Variants in SRPK1 observed in about 807,000 individuals in gnomAD.
The protein encoded by SRPK1 is SFRS protein kinase 1.
A neutral mutation model predicts 89.5 loss-of-function variants in SRPK1; 52 were observed. The ratio of observed to expected loss-of-function variants is 0.58; its 90% CI spans 0.46 to 0.73. The LOEUF is 0.73. SRPK1 is among the 30% of genes least tolerant of loss of function. The pLI, the probability that SRPK1 is intolerant of heterozygous loss-of-function variation, is 0.00. For missense variants in SRPK1, 603 were observed against 780.6 expected, an observed-to-expected ratio of 0.77 and a Z score of 2.71; for synonymous variants, 255 against 270.2, an observed-to-expected ratio of 0.94 and a Z score of 0.55.
At chr6:35,920,896 CA>C in intron 1 of SRPK1, 147 bp downstream of exon 1, 1 of 815,324 alleles carries the variant, frequency 1.2e-6, no homozygotes, top group Non-Finnish European at 1.8e-6. Flanking sequence ...AGCCCAGAGG[CA>C]GGGGGTGTGG....
At chr6:35,906,471 G>C (rs553276050) in intron 2 of SRPK1, among the ~76,000 whole-genome samples, 1 of 152,120 alleles carries the variant, frequency 6.6e-6, no homozygotes. Flanking sequence ...ACGATCCACC[G>C]GCCTTGGCCT....
In SRPK1 at chr6:35,888,902, A is replaced by G. The variant is rs35519113; in HGVS notation, c.215T>C (p.Ile72Thr). The change falls in exon 4 of 16, where the codon ATT becomes ACT. Residue 72 changes from isoleucine to threonine, a missense_variant. Ile to Thr is a moderately conservative substitution (Grantham distance 89, BLOSUM62 -1). Coordinates refer to ENST00000373825, the MANE Select transcript of SRPK1 (RefSeq NM_003137.5). Reference protein sequence around the residue: ...YCKGGYHLVKIGDLFNGRYHV... With the variant: ...YCKGGYHLVKTGDLFNGRYHV... ...GTATCTCCCATTGAATAGATCTCCA[A>G]TTTTCACAAGATGATAACCTCCTGG... The G allele has an allele frequency of 1.4e-5, 23 of 1,612,528 alleles. No homozygotes were observed. The highest frequency in any genetic ancestry group is 1.6e-4 in the Middle Eastern group (1 of 6,076).
intron 2 of SRPK1, among the ~76,000 whole-genome samples, chr6:35,893,588 A>G (rs1464617569): frequency 6.6e-6 from 1 of 152,244 alleles, no homozygotes; most frequent in Non-Finnish European, 1.5e-5. Context: ...CAGGGGGCAA[A>G]AAAGGAGGCC....
intron 13 of SRPK1, among the ~76,000 whole-genome samples, chr6:35,843,443 T>A (rs534804533): frequency 1.3e-5 from 2 of 152,138 alleles, no homozygotes; most frequent in Non-Finnish European, 2.9e-5. Flanking sequence ...GATGGGAAGT[T>A]CCTGATTCCT....
intron 2 of SRPK1, among the ~76,000 whole-genome samples, chr6:35,903,118 A>T (rs529571596): frequency 2.1e-5 from 3 of 144,004 alleles, no homozygotes; most frequent in South Asian, 4.4e-4. Flanking sequence ...GTCTCTATTT[A>T]AAAAAAAAAA....
chr6:35,866,311 C>T (rs1177123794), intron 12 of SRPK1, among the ~76,000 whole-genome samples: 1 of 152,066 alleles, frequency 6.6e-6, no homozygotes, highest in Non-Finnish European at 1.5e-5. Context: ...AATGGCCGGG[C>T]GCGGTGGCTC....
intron 2 of SRPK1, among the ~76,000 whole-genome samples, chr6:35,891,874 T>C (rs1770526274): frequency 6.6e-6 from 1 of 152,236 alleles, no homozygotes. Flanking sequence ...CTTTATTCTG[T>C]AATTAGAATT....
Position 35,833,570 on chromosome 6 carries a change from A to G in SRPK1, c.*1734T>C, listed in dbSNP as rs916236944. 2 of 152,628 alleles carry G rather than the reference A, an allele frequency of 1.3e-5. No individual in the cohort carries two copies. The highest frequency in any genetic ancestry group is 4.8e-5 in the African/African-American group (2 of 41,452). 9.5% of individuals were successfully genotyped at this position (152,628 alleles called of 1,614,324 possible). A position where few individuals can be genotyped will look rare whatever the true frequency, so the allele number is the denominator to read the frequency against. The stretch of plus-strand genomic sequence containing the variant: ...ATACAATCTATTCTCTTGATTCTTG[A>G]TAGGTGCATAGAAAGCCTAACTTAA... On this transcript the variant is annotated 3_prime_UTR_variant, in exon 16 of 16. Coordinates refer to ENST00000373825, the MANE Select transcript of SRPK1 (RefSeq NM_003137.5).
intron 2 of SRPK1, among the ~76,000 whole-genome samples, chr6:35,900,675 A>G (rs894472118): frequency 5.3e-5 from 8 of 152,230 alleles, no homozygotes; most frequent in African/African-American, 1.7e-4. Context: ...AAGTAGGGCA[A>G]GGGGACACAG....
chr6:35,915,199 C>T (rs770987218), intron 2 of SRPK1, among the ~76,000 whole-genome samples: 7 of 151,800 alleles, frequency 4.6e-5, no homozygotes, highest in Non-Finnish European at 7.4e-5. Context: ...GTCAGGAGAT[C>T]GAGACCATCT....
At chr6:35,902,845 T>C (rs537471164) in intron 2 of SRPK1, among the ~76,000 whole-genome samples, 1 of 152,314 alleles carries the variant, frequency 6.6e-6, no homozygotes, top group South Asian at 2.1e-4. Context: ...TTAAAGCTAT[T>C]CTAAAAGGCA....
chr6:35,852,089 T>C (rs1242786474), intron 13 of SRPK1, among the ~76,000 whole-genome samples: 1 of 152,162 alleles, frequency 6.6e-6, no homozygotes, highest in African/African-American at 2.4e-5. Context: ...TGCTATTCAA[T>C]GGGGTTACAA....
intron 7 of SRPK1, 97 bp from the exon 8 acceptor site, chr6:35,872,825 ATG>A: frequency 1.8e-6 from 2 of 1,115,028 alleles, no homozygotes; most frequent in South Asian, 1.8e-5. Context: ...AAAAAAAGAT[ATG>A]ATAGCGTTTT....
intron 3 of SRPK1, among the ~76,000 whole-genome samples, chr6:35,889,965 G>A (rs1433632647): frequency 1.1e-4 from 16 of 149,008 alleles, no homozygotes; most frequent in Non-Finnish European, 1.9e-4. Context: ...AAAATTAGCC[G>A]GGTATGGTGG....
chr6:35,886,580 T>C, intron 6 of SRPK1, 144 bp downstream of exon 6: 3 of 627,246 alleles, frequency 4.8e-6, no homozygotes, highest in East Asian at 2.9e-5. Flanking sequence ...AAAATTCAGA[T>C]GTGTGTTCAG....
intron 2 of SRPK1, among the ~76,000 whole-genome samples, chr6:35,915,406 C>CAAAAAAA (rs560685673): frequency 1.4e-5 from 1 of 73,908 alleles, no homozygotes. Flanking sequence ...GACACCGTCT[C>CAAAAAAA]AAAAAAAAAA....
intron 14 of SRPK1, among the ~76,000 whole-genome samples, chr6:35,841,609 G>C (rs1233832126): frequency 6.6e-6 from 1 of 152,076 alleles, no homozygotes; most frequent in East Asian, 1.9e-4. Flanking sequence ...TGAAGTGGGT[G>C]GACCACGAGG....
intron 2 of SRPK1, among the ~76,000 whole-genome samples, chr6:35,898,367 T>C (rs1026555586): frequency 1.3e-5 from 2 of 152,094 alleles, no homozygotes; most frequent in African/African-American, 2.4e-5. Flanking sequence ...CTCTGGTGAC[T>C]TAAGGTTGGG....
At chr6:35,852,571 C>A (rs977112913) in intron 13 of SRPK1, among the ~76,000 whole-genome samples, 1 of 152,146 alleles carries the variant, frequency 6.6e-6, no homozygotes, top group African/African-American at 2.4e-5. Context: ...ATAAAGGTGA[C>A]AATCTTTGGT....
Sources: gnomAD v4.1 joint callset for allele counts (sites outside exome capture counted in the v4.1 genomes callset) on GRCh38, gnomAD v4.1.1 for gene constraint, MANE v1.5 for transcripts, NCBI Gene and HGNC (gene_info 2026-07-23, HGNC 2026-07-21) for gene names.